The following DNAJC11 variants were observed in gnomAD, a reference collection of about 807,000 sequenced individuals.
The protein encoded by DNAJC11 is DnaJ heat shock protein family (Hsp40) member C11.
Under a neutral mutation model 78.6 loss-of-function variants are expected in DNAJC11, and 15 were observed. The ratio of observed to expected loss-of-function variants is 0.19; its 90% CI spans 0.13 to 0.29. The LOEUF is 0.29. Among genes scored for constraint, DNAJC11 ranks in the 10% least tolerant of loss-of-function variants. The pLI is 1.00. For missense variants in DNAJC11, 547 were observed against 709.6 expected, an observed-to-expected ratio of 0.77 and a Z score of 2.60; for synonymous variants, 292 against 272.1, an observed-to-expected ratio of 1.07 and a Z score of -0.72.
intron 9 of DNAJC11, 48 bp downstream of exon 9, chr1:6,644,993 C>A: frequency 1.3e-6 from 2 of 1,546,208 alleles, no homozygotes; most frequent in Non-Finnish European, 1.8e-6. Flanking sequence ...CTGTGAAGAC[C>A]CGCATGCAGT....
chr1:6,655,834 T>C (rs1268911759), intron 4 of DNAJC11, among the ~76,000 whole-genome samples: 1 of 150,924 alleles, frequency 6.6e-6, no homozygotes, highest in African/African-American at 2.4e-5. Flanking sequence ...CCGGGTGTGG[T>C]GGCTCATGCC....
intron 1 of DNAJC11, among the ~76,000 whole-genome samples, chr1:6,699,976 C>T (rs780482604): frequency 5.9e-5 from 9 of 152,152 alleles, no homozygotes; most frequent in Non-Finnish European, 1.3e-4. Context: ...CCCCTATGAC[C>T]TGCACATATA....
At chr1:6,688,438 T>C (rs545272033) in intron 1 of DNAJC11, among the ~76,000 whole-genome samples, 61 of 152,224 alleles carry the variant, frequency 4.0e-4, no homozygotes, top group African/African-American at 1.3e-3. Context: ...AATCAGTAAG[T>C]TTACTGAATG....
At chr1:6,642,669 G>A (rs1414349882) in intron 10 of DNAJC11, among the ~76,000 whole-genome samples, 1 of 152,124 alleles carries the variant, frequency 6.6e-6, no homozygotes, top group Non-Finnish European at 1.5e-5. Context: ...GTGAGACCCT[G>A]TCTCTATAAA....
rs749947919 is a variant in DNAJC11, at chr1:6,653,740, G to A, written c.507+171C>T. On this transcript the variant is annotated intron_variant, in intron 5 of 15. Transcript: ENST00000377577. This position sits in a 1 kb window ranked among gnomAD's most constrained non-coding sequence, Gnocchi z 4.5. Reference sequence around the variant, plus strand: ...CTGCTGGCTCACATGCCAGCACAGCGGTAACACACGGCTGGGAATGAAGCG... The same window carrying A: ...CTGCTGGCTCACATGCCAGCACAGCAGTAACACACGGCTGGGAATGAAGCG... 5.5e-5 allele frequency: 46 copies of A among 842,364 alleles called. No individual in the cohort carries two copies. Among genetic ancestry groups the A allele is most frequent in the Non-Finnish European group, 7.7e-5 (44 of 573,078 alleles). The allele number at this position is 842,364 out of a possible 1,614,324, so 52.2% of individuals were successfully genotyped here.
In DNAJC11 at chr1:6,667,712, G is replaced by A. The variant is rs149912357; in HGVS notation, c.375C>T (p.Pro125=). The change falls in exon 4 of 16, where the codon CCC becomes CCT. Residue 125 remains proline, a synonymous_variant. Coordinates refer to ENST00000377577, the MANE Select transcript of DNAJC11 (RefSeq NM_018198.4). The stretch of plus-strand genomic sequence containing the variant: ...TGAAACGTGGCCCCTGGCTTACCTT[G>A]GGATTGGTTCGCTGCTGCAATCTCC... The part of the protein sequence containing the change: ...EERRLQQRTN[P]KGTISVGVDA... 35 of 1,613,822 alleles carry A rather than the reference G, an allele frequency of 2.2e-5. No homozygotes were observed. In the African/African-American group the frequency reaches 4.5e-4, roughly 21 times the overall value.
chr1:6,638,391 C>A (rs370489757), intron 11 of DNAJC11, 27 bp from the exon 12 acceptor site: 4 of 1,606,910 alleles, frequency 2.5e-6, no homozygotes, highest in South Asian at 2.2e-5. Context: ...ACAAGCCCCA[C>A]GTTAGCGCGG....
At position 6,634,739 on chromosome 1, in the gene DNAJC11, C is replaced by G; in HGVS notation, c.*936G>C. 7.4e-7 allele frequency: 1 copy of G among 1,354,150 alleles called. No homozygotes were observed. The highest frequency in any genetic ancestry group is 9.8e-7 in the Non-Finnish European group (1 of 1,015,698). 83.9% of individuals were successfully genotyped at this position (1,354,150 alleles called of 1,614,324 possible). A position where few individuals can be genotyped will look rare whatever the true frequency, so the allele number is the denominator to read the frequency against. ...GCTCCGGAGCACAGGCCCTGGTGTTCCTGTGAGGACGCTGGACCTGCAGGA... is the reference window on the plus strand; with the variant it reads ...GCTCCGGAGCACAGGCCCTGGTGTTGCTGTGAGGACGCTGGACCTGCAGGA... On this transcript the variant is annotated 3_prime_UTR_variant, in exon 16 of 16. Transcript: ENST00000377577.
chr1:6,655,079 G>A, intron 4 of DNAJC11, among the ~76,000 whole-genome samples: 1 of 152,188 alleles, frequency 6.6e-6, no homozygotes, highest in Non-Finnish European at 1.5e-5. Flanking sequence ...TTACAGGTGT[G>A]AGCCACCGCG....
chr1:6,668,586 T>C (rs1642328006), intron 3 of DNAJC11, among the ~76,000 whole-genome samples: 1 of 152,104 alleles, frequency 6.6e-6, no homozygotes, highest in East Asian at 1.9e-4. Flanking sequence ...TCTCGAGCTG[T>C]CGGGTCTAGG....
At chr1:6,698,520 CGAA>C (rs1642875716) in intron 1 of DNAJC11, among the ~76,000 whole-genome samples, 1 of 151,012 alleles carries the variant, frequency 6.6e-6, no homozygotes, top group Non-Finnish European at 1.5e-5. Flanking sequence ...AGTTTGCTGA[CGAA>C]GACAACAGAA....
Position 6,653,691 on chromosome 1 carries a change from AGCCAAGTGCCCCAGCCCACACTCCT to A in DNAJC11, c.507+195_507+219del, listed in dbSNP as rs1346967212. ...TGCTGGAAAGGCCCAAGACCTTGGG[AGCCAAGTGCCCCAGCCCACACTCCT>A]GCTGGCTCACATGCCAGCACAGCGG... On this transcript the variant is annotated intron_variant, in intron 5 of 15. Coordinates refer to ENST00000377577, the MANE Select transcript of DNAJC11 (RefSeq NM_018198.4). The surrounding 1 kb of genome is among the most constrained non-coding windows in gnomAD (Gnocchi z 4.5). 5.3e-5 allele frequency: 25 copies of A among 472,066 alleles called. No individual in the cohort carries two copies. Among genetic ancestry groups the A allele is most frequent in the Non-Finnish European group, 9.2e-5 (25 of 271,274 alleles). The allele number at this position is 472,066 out of a possible 1,614,324, so 29.2% of individuals were successfully genotyped here.
chr1:6,635,822 C>G, intron 15 of DNAJC11, 122 bp from the exon 16 acceptor site: 3 of 1,237,990 alleles, frequency 2.4e-6, no homozygotes, highest in South Asian at 1.3e-5. Context: ...GGCAGAGCAC[C>G]CGCTGCTGAA....
rs796211467 is a variant in DNAJC11, at chr1:6,687,278, T to TA, written c.73-6242dup. ...AAAGCAACCACTTAACTGGACTTGG[T>TA]AAAAAAAAAAAAATTCCCTATTTCA... is the stretch of plus-strand genomic sequence containing the variant. On this transcript the variant is annotated intron_variant, in intron 1 of 15. Coordinates refer to ENST00000377577, the MANE Select transcript of DNAJC11 (RefSeq NM_018198.4). Among the ~76,000 whole-genome samples, 734 of 132,066 alleles carry TA rather than the reference T, an allele frequency of 5.6e-3. 6 individuals are homozygous for TA. The highest frequency in any genetic ancestry group is 0.023 in the Admixed American group (300 of 13,018). 86.6% of individuals were successfully genotyped at this position (132,066 alleles called of 152,430 possible). A position where few individuals can be genotyped will look rare whatever the true frequency, so the allele number is the denominator to read the frequency against.
intron 3 of DNAJC11, 73 bp from the exon 4 acceptor site, chr1:6,667,883 G>T: frequency 6.9e-7 from 1 of 1,450,478 alleles, no homozygotes; most frequent in Non-Finnish European, 9.7e-7. Context: ...AAGAGCTGCA[G>T]CCATTGATTT....
chr1:6,676,606 G>A (rs1642465603), intron 3 of DNAJC11, among the ~76,000 whole-genome samples: 1 of 152,096 alleles, frequency 6.6e-6, no homozygotes, highest in South Asian at 2.1e-4. Context: ...CTTGAGCCTG[G>A]GAGGTCGAGG....
At chr1:6,678,125 A>G (rs1359605133) in intron 3 of DNAJC11, among the ~76,000 whole-genome samples, 1 of 152,190 alleles carries the variant, frequency 6.6e-6, no homozygotes, top group Non-Finnish European at 1.5e-5. Flanking sequence ...GTTAAAAATT[A>G]CTGGTTCGGT....
In DNAJC11 at chr1:6,636,245, G is replaced by C. The variant is rs1476122777; in HGVS notation, c.1526C>G (p.Ala509Gly). The C allele has an allele frequency of 1.9e-6, 3 of 1,613,942 alleles. 1 individual carries two copies. In the South Asian group the frequency reaches 3.3e-5, roughly 18 times the overall value. ...SKLILTEASK[A>G]GLPGFYDPCV... ...CGGGTCATAAAAGCCAGGCAGCCCA[G>C]CCTGTAACAAACAAATTGCTACTCT... The change falls in exon 15 of 16, where the codon GCT becomes GGT. Residue 509 changes from alanine (A) to glycine (G), a missense_variant and splice_region_variant. By Grantham distance (60) the Ala-to-Gly change is moderately conservative (BLOSUM62 0). Transcript: ENST00000377577.
chr1:6,695,411 C>G lies in DNAJC11; in HGVS notation c.72+6318G>C, dbSNP rs1035462427. Among the ~76,000 whole-genome samples, 20 of 152,040 alleles carry G rather than the reference C, an allele frequency of 1.3e-4. No individual in the cohort carries two copies. The Middle Eastern group carries it at 0.02, about 155-fold the overall frequency. On this transcript the variant is annotated intron_variant, in intron 1 of 15. Transcript: ENST00000377577. ...ACAGGCAATTTATATACATTCTCAG[C>G]ACCTAGCAACGCACATACCACACAG...
Sources: allele counts gnomAD v4.1 joint callset (sites outside exome capture counted in the v4.1 genomes callset), GRCh38; gene constraint gnomAD v4.1.1; non-coding constraint Gnocchi (gnomAD v3.1); transcripts MANE v1.5; gene names NCBI Gene and HGNC (gene_info 2026-07-23, HGNC 2026-07-21).